NDST3: variants seen among roughly 807,000 people sequenced by gnomAD.
NDST3 encodes bifunctional heparan sulfate N-deacetylase/N-sulfotransferase 3.
A neutral mutation model predicts 96.1 loss-of-function variants in NDST3; 58 were observed. The ratio of observed to expected loss-of-function variants is 0.60; its 90% CI spans 0.49 to 0.75. The LOEUF (loss-of-function observed/expected upper bound fraction) is 0.75, where lower values mean the gene tolerates loss of function less well. Ranked by LOEUF, NDST3 falls within the 30% of genes least tolerant of loss-of-function variation. NDST3 has a pLI of 0.00. For missense variants in NDST3, 788 were observed against 1,034.2 expected (o/e 0.76, Z 3.27); for synonymous variants, 333 against 359.7 (o/e 0.93, Z 0.84).
intron 6 of NDST3, among the ~76,000 whole-genome samples, chr4:118,223,660 C>T (rs2125994030): frequency 6.6e-6 from 1 of 151,976 alleles, no homozygotes; most frequent in East Asian, 1.9e-4. Flanking sequence ...GTCACATTAC[C>T]TCAATGAATT....
intron 6 of NDST3, among the ~76,000 whole-genome samples, chr4:118,181,058 G>A (rs1308300060): frequency 6.6e-6 from 1 of 152,120 alleles, no homozygotes; most frequent in African/African-American, 2.4e-5. Flanking sequence ...ATGTAAAGGA[G>A]AGCAAAGCTT....
intron 1 of NDST3, among the ~76,000 whole-genome samples, chr4:118,050,083 G>T (rs1724994361): frequency 6.6e-6 from 1 of 152,090 alleles, no homozygotes; most frequent in African/African-American, 2.4e-5. Flanking sequence ...TTCAACATAT[G>T]CAAATCAATA....
intron 1 of NDST3, among the ~76,000 whole-genome samples, chr4:118,035,800 AAAT>A (rs1724118681): frequency 6.6e-6 from 1 of 151,952 alleles, no homozygotes; most frequent in South Asian, 2.1e-4. Flanking sequence ...TTCTTTGTGT[AAAT>A]AATGTTAATT....
chr4:118,037,124 A>T (rs902492684), intron 1 of NDST3, among the ~76,000 whole-genome samples: 3 of 152,184 alleles, frequency 2.0e-5, no homozygotes, highest in African/African-American at 7.2e-5. Flanking sequence ...CTGAAAAATG[A>T]GGATTCCAGA....
At chr4:118,179,327 G>C (rs1425369327) in intron 6 of NDST3, among the ~76,000 whole-genome samples, 2 of 151,980 alleles carry the variant, frequency 1.3e-5, no homozygotes, top group African/African-American at 4.8e-5. Context: ...TTTAACATTA[G>C]TACTGCATAA....
At chr4:118,105,424 A>T (rs906035528) in intron 3 of NDST3, among the ~76,000 whole-genome samples, 8 of 152,168 alleles carry the variant, frequency 5.3e-5, no homozygotes, top group Admixed American at 3.9e-4. Context: ...AAGAAAGAGA[A>T]CACTTCCAAA....
intron 6 of NDST3, among the ~76,000 whole-genome samples, chr4:118,199,580 C>T (rs1737929983): frequency 1.3e-5 from 2 of 152,036 alleles, no homozygotes; most frequent in Non-Finnish European, 2.9e-5. Context: ...TTAGTTTATT[C>T]ATTGAAGTCA....
intron 2 of NDST3, among the ~76,000 whole-genome samples, chr4:118,073,370 T>C (rs778458897): frequency 1.3e-5 from 2 of 152,092 alleles, no homozygotes; most frequent in Non-Finnish European, 2.9e-5. Flanking sequence ...TCCTGGTTGG[T>C]AGGCTTTTTA....
chr4:118,046,578 C>T (rs966315541), intron 1 of NDST3, among the ~76,000 whole-genome samples: 22 of 152,292 alleles, frequency 1.4e-4, no homozygotes, highest in East Asian at 3.9e-4. Flanking sequence ...CCTCTGCTGC[C>T]CAGCCTGGGT....
chr4:118,219,195 A>T lies in NDST3; in HGVS notation c.1540-5296A>T, dbSNP rs188511421. Among the ~76,000 whole-genome samples the T allele has an allele frequency of 3.3e-5, 5 of 152,264 alleles. No homozygotes were observed. In the East Asian group the frequency reaches 7.7e-4, roughly 24 times the overall value. ...CAGAATTAGAAAAAGAAATGAATTA[A>T]AATTTCATATGGAACCAAAAAAGAG... On this transcript the variant is annotated intron_variant, in intron 6 of 13. Transcript: ENST00000296499.
intron 6 of NDST3, among the ~76,000 whole-genome samples, chr4:118,210,974 T>C (rs141127313): frequency 3.1e-4 from 47 of 152,184 alleles, no homozygotes; most frequent in African/African-American, 1.1e-3. Context: ...CACTCCTTCA[T>C]CTCCATGTCC....
At chr4:118,179,968 G>A (rs1736504040) in intron 6 of NDST3, among the ~76,000 whole-genome samples, 1 of 152,072 alleles carries the variant, frequency 6.6e-6, no homozygotes, top group African/African-American at 2.4e-5. Flanking sequence ...AAATGAGGAT[G>A]ATAGACTTTG....
intron 6 of NDST3, among the ~76,000 whole-genome samples, chr4:118,174,533 C>G (rs752945766): frequency 4.6e-5 from 7 of 152,124 alleles, no homozygotes; most frequent in Non-Finnish European, 8.8e-5. Flanking sequence ...GTACAGAGAT[C>G]TCAACAGTGC....
At chr4:118,252,171 A>T (rs948762643) in intron 12 of NDST3, among the ~76,000 whole-genome samples, 33 of 152,248 alleles carry the variant, frequency 2.2e-4, no homozygotes, top group African/African-American at 7.7e-4. Context: ...AACAAAAGCT[A>T]TGTAAAGGAA....
At chr4:118,118,118 A>C (rs1378916953) in intron 4 of NDST3, among the ~76,000 whole-genome samples, 3 of 152,228 alleles carry the variant, frequency 2.0e-5, no homozygotes, top group Admixed American at 2.0e-4. Context: ...CTCTGGAGAA[A>C]ATTCTACTTC....
intron 6 of NDST3, among the ~76,000 whole-genome samples, chr4:118,213,530 G>T (rs999430480): frequency 6.6e-6 from 1 of 151,638 alleles, no homozygotes; most frequent in Admixed American, 6.6e-5. Context: ...AACTGACTAA[G>T]GACATTGTGA....
intron 6 of NDST3, among the ~76,000 whole-genome samples, chr4:118,216,567 A>G (rs1486419399): frequency 6.6e-6 from 1 of 152,120 alleles, no homozygotes; most frequent in Non-Finnish European, 1.5e-5. Context: ...CTAAGACTGT[A>G]GAGCCAGTAG....
intron 6 of NDST3, chr4:118,194,077 G>A (rs1237222777): frequency 3.4e-5 from 50 of 1,451,618 alleles, no homozygotes; most frequent in Non-Finnish European, 4.7e-5. Flanking sequence ...GTGGGATTTG[G>A]AACTTTTCCT....
intron 6 of NDST3, among the ~76,000 whole-genome samples, chr4:118,210,244 A>T (rs1186339522): frequency 6.6e-6 from 1 of 152,084 alleles, no homozygotes; most frequent in Non-Finnish European, 1.5e-5. Flanking sequence ...GGTCACTGAG[A>T]CCATCAGAGA....
Sources: gnomAD v4.1 joint callset for allele counts (sites outside exome capture counted in the v4.1 genomes callset) on GRCh38, gnomAD v4.1.1 for gene constraint, MANE v1.5 for transcripts, NCBI Gene and HGNC (gene_info 2026-07-23, HGNC 2026-07-21) for gene names.